CHSY3: variants seen among roughly 807,000 people sequenced by gnomAD.
The protein encoded by CHSY3 is N-acetylgalactosaminyl-proteoglycan 3-beta-glucuronosyltransferase 3.
A neutral mutation model predicts 67.2 loss-of-function variants in CHSY3; 35 were observed. The observed-to-expected ratio is 0.52, with a 90% CI of 0.40 to 0.69. CHSY3 has a LOEUF of 0.69. CHSY3 is among the 30% of genes least tolerant of loss of function. The pLI is 0.00. For missense variants in CHSY3, 1,069 were observed against 1,138.5 expected (o/e 0.94, Z 0.88); for synonymous variants, 474 against 434.7 (o/e 1.09, Z -1.12).
chr5:129,934,747 A>G (rs1024312284), intron 2 of CHSY3, among the ~76,000 whole-genome samples: 8 of 152,208 alleles, frequency 5.3e-5, no homozygotes, highest in African/African-American at 1.7e-4. Context: ...TAATGCTGAC[A>G]TATTTTTATT....
At chr5:130,135,560 C>A (rs191212399) in intron 2 of CHSY3, among the ~76,000 whole-genome samples, 6 of 152,288 alleles carry the variant, frequency 3.9e-5, no homozygotes, top group Admixed American at 1.3e-4. Flanking sequence ...TCCTTCATTA[C>A]TTCTCACAGT....
intron 2 of CHSY3, among the ~76,000 whole-genome samples, chr5:129,927,609 A>T (rs978821034): frequency 2.6e-5 from 4 of 152,076 alleles, no homozygotes; most frequent in Admixed American, 1.3e-4. Flanking sequence ...TCTGTGAATG[A>T]TTGAAGGAAA....
At chr5:130,130,403 C>T (rs978635363) in intron 2 of CHSY3, among the ~76,000 whole-genome samples, 15 of 152,142 alleles carry the variant, frequency 9.9e-5, no homozygotes, top group Non-Finnish European at 1.6e-4. Context: ...ATCTCAGGTT[C>T]CTTCCCTAGC....
intron 2 of CHSY3, among the ~76,000 whole-genome samples, chr5:129,927,553 G>A (rs760882832): frequency 1.3e-5 from 2 of 151,930 alleles, no homozygotes; most frequent in Non-Finnish European, 2.9e-5. Flanking sequence ...GAGTGAAATT[G>A]AGTTCATCAA....
chr5:130,007,006 T>C (rs1184466701), intron 2 of CHSY3, among the ~76,000 whole-genome samples: 1 of 152,178 alleles, frequency 6.6e-6, no homozygotes, highest in African/African-American at 2.4e-5. Context: ...CCAGAGATTG[T>C]ACATTTCTAA....
chr5:130,051,442 T>A (rs927566901), intron 2 of CHSY3, among the ~76,000 whole-genome samples: 1 of 152,084 alleles, frequency 6.6e-6, no homozygotes, highest in African/African-American at 2.4e-5. Context: ...ACATGTTTTT[T>A]AGACACAGTG....
chr5:130,090,740 G>A (rs994868116), intron 2 of CHSY3, among the ~76,000 whole-genome samples: 1 of 152,036 alleles, frequency 6.6e-6, no homozygotes, highest in African/African-American at 2.4e-5. Context: ...TTTGTTTCCC[G>A]TTAAGACTGT....
At position 130,149,078 on chromosome 5, in the gene CHSY3, G is replaced by T. The variant is rs189941217; in HGVS notation, c.1087-35151G>T. 1.8e-4 allele frequency among the ~76,000 whole-genome samples: 27 copies of T among 152,230 alleles called. No homozygotes were observed. The East Asian group carries it at 5.2e-3, about 29-fold the overall frequency. Reference sequence around the variant, plus strand: ...TCTTGAGTTGATTTGTGTATATGTTGTAAGGAAGTGGTCCAGTTTCAATCT... The same window carrying T: ...TCTTGAGTTGATTTGTGTATATGTTTTAAGGAAGTGGTCCAGTTTCAATCT... On this transcript the variant is annotated intron_variant, in intron 2 of 2. Transcript: ENST00000305031.
intron 2 of CHSY3, among the ~76,000 whole-genome samples, chr5:129,988,129 A>G (rs1763258154): frequency 2.0e-5 from 3 of 152,196 alleles, no homozygotes; most frequent in Non-Finnish European, 4.4e-5. Context: ...CTCAGGGTTA[A>G]AAACAGGTTA....
intron 2 of CHSY3, among the ~76,000 whole-genome samples, chr5:130,029,904 T>A (rs963941801): frequency 6.6e-6 from 1 of 152,120 alleles, no homozygotes; most frequent in Non-Finnish European, 1.5e-5. Context: ...TTCAACAACA[T>A]GTCAAATTGT....
intron 2 of CHSY3, among the ~76,000 whole-genome samples, chr5:129,978,016 C>A (rs977732317): frequency 1.3e-5 from 2 of 152,078 alleles, no homozygotes; most frequent in African/African-American, 4.8e-5. Context: ...GTTTTTCTTT[C>A]TCAGTTTCTG....
chr5:130,025,034 G>A (rs1284629377), intron 2 of CHSY3, among the ~76,000 whole-genome samples: 2 of 152,038 alleles, frequency 1.3e-5, no homozygotes, highest in African/African-American at 2.4e-5. Context: ...GTTATATAGT[G>A]GAAAATAGAA....
intron 2 of CHSY3, among the ~76,000 whole-genome samples, chr5:130,077,185 C>T (rs1766294204): frequency 6.6e-6 from 1 of 151,752 alleles, no homozygotes; most frequent in African/African-American, 2.4e-5. Flanking sequence ...TTGGAAGAGG[C>T]ATAAATGGTG....
At chr5:130,048,220 T>A (rs187543971) in intron 2 of CHSY3, among the ~76,000 whole-genome samples, 1 of 152,162 alleles carries the variant, frequency 6.6e-6, no homozygotes, top group African/African-American at 2.4e-5. Flanking sequence ...GGTGGGCTTT[T>A]ATGTGTTTAG....
At chr5:130,138,150 C>T (rs1768727247) in intron 2 of CHSY3, among the ~76,000 whole-genome samples, 1 of 152,152 alleles carries the variant, frequency 6.6e-6, no homozygotes, top group Non-Finnish European at 1.5e-5. Flanking sequence ...TTACCAATCC[C>T]TGCTACAGAT....
chr5:130,031,391 A>G (rs1398186319), intron 2 of CHSY3, among the ~76,000 whole-genome samples: 1 of 152,152 alleles, frequency 6.6e-6, no homozygotes, highest in Non-Finnish European at 1.5e-5. Flanking sequence ...AGTGTGATAT[A>G]CAACATTATT....
rs2149571965 is a variant in CHSY3 at position 129,905,218 on chromosome 5, C to A, written c.389C>A (p.Ala130Asp). ...GATGLPGAPA[A>D]EGEPEEEDGG... ...ACGGGGCTTCCCGGTGCTCCAGCGG[C>A]CGAGGGGGAGCCCGAGGAGGAGGAC... The change falls in exon 1 of 3, where the codon GCC becomes GAC. Residue 130 changes from alanine (A) to aspartate (D), a missense_variant. Coordinates refer to ENST00000305031, the MANE Select transcript of CHSY3 (RefSeq NM_175856.5). 1 of 1,506,092 alleles carries A rather than the reference C, an allele frequency of 6.6e-7. No individual in the cohort carries two copies. The highest frequency in any genetic ancestry group is 1.4e-5 in the African/African-American group (1 of 70,176). The allele number at this position is 1,506,092 out of a possible 1,614,324, so 93.3% of individuals were successfully genotyped here.
chr5:130,143,810 G>GTATGTATATATATA (rs1554085961), intron 2 of CHSY3, among the ~76,000 whole-genome samples: 6 of 56,490 alleles, frequency 1.1e-4, no homozygotes, highest in Non-Finnish European at 1.6e-4. Context: ...ATATATGTGT[G>GTATGTATATATATA]TATATATATA....
intron 2 of CHSY3, among the ~76,000 whole-genome samples, chr5:129,924,776 G>A (rs1761044097): frequency 6.6e-6 from 1 of 151,720 alleles, no homozygotes; most frequent in East Asian, 1.9e-4. Context: ...TGTTTTAAGA[G>A]AAGTGCATGC....
Sources: allele counts gnomAD v4.1 joint callset (sites outside exome capture counted in the v4.1 genomes callset), GRCh38; gene constraint gnomAD v4.1.1; transcripts MANE v1.5; gene names NCBI Gene and HGNC (gene_info 2026-07-23, HGNC 2026-07-21).